The following KLHL29 variants were observed in gnomAD, a reference collection of about 807,000 sequenced individuals.
The protein encoded by KLHL29 is kelch-like protein 29.
A neutral mutation model predicts 80.4 loss-of-function variants in KLHL29; 21 were observed. The ratio of observed to expected loss-of-function variants is 0.26; its 90% CI spans 0.19 to 0.38. The LOEUF (loss-of-function observed/expected upper bound fraction) is 0.38. Among genes scored for constraint, KLHL29 ranks in the 10% least tolerant of loss-of-function variants. KLHL29 has a pLI of 1.00. For synonymous variants in KLHL29, 511 were observed against 526.8 expected (o/e 0.97, Z 0.41); for missense variants, 867 against 1,223.9 (o/e 0.71, Z 4.35).
At chr2:23,394,767 A>G (rs182382883) in intron 1 of KLHL29, among the ~76,000 whole-genome samples, 2 of 152,366 alleles carry the variant, frequency 1.3e-5, no homozygotes, top group African/African-American at 4.8e-5. Context: ...TATGATTTCA[A>G]GTACCTTCAG....
At chr2:23,509,608 C>T (rs1205360127) in intron 2 of KLHL29, among the ~76,000 whole-genome samples, 1 of 152,124 alleles carries the variant, frequency 6.6e-6, no homozygotes, top group Admixed American at 6.5e-5. Flanking sequence ...ATATCTGTGG[C>T]ATCCTTCCTT....
rs1670642784 is a variant in KLHL29 at position 23,669,334 on chromosome 2, G to A, written c.941-15065G>A. The stretch of plus-strand genomic sequence containing the variant: ...GTGATGGGACCACAGAGTGGCAGCT[G>A]ATCTTACCGAATGGGTAGATGTTTT... On this transcript the variant is annotated intron_variant, in intron 5 of 13. Coordinates refer to ENST00000486442, the MANE Select transcript of KLHL29 (RefSeq NM_052920.2). This position sits in a 1 kb window ranked among gnomAD's most constrained non-coding sequence, Gnocchi z 4.3. 6.6e-6 allele frequency: 1 copy of A among 152,204 alleles called. No homozygotes were observed. Among genetic ancestry groups the A allele is most frequent in the Non-Finnish European group, 1.5e-5 (1 of 68,024 alleles). 9.4% of individuals were successfully genotyped at this position (152,204 alleles called of 1,614,324 possible).
intron 2 of KLHL29, among the ~76,000 whole-genome samples, chr2:23,525,857 G>T (rs1252990806): frequency 1.3e-5 from 2 of 152,112 alleles, no homozygotes; most frequent in East Asian, 3.9e-4. Context: ...ATCCTGTGTT[G>T]CTGCCCCAGG....
At chr2:23,631,183 G>T (rs963440996) in intron 3 of KLHL29, among the ~76,000 whole-genome samples, 1 of 152,036 alleles carries the variant, frequency 6.6e-6, no homozygotes, top group African/African-American at 2.4e-5. Flanking sequence ...TCTCTCGCTC[G>T]CTATTCAGCC....
At chr2:23,428,923 C>T (rs1324550528) in intron 1 of KLHL29, among the ~76,000 whole-genome samples, 1 of 152,194 alleles carries the variant, frequency 6.6e-6, no homozygotes, top group Admixed American at 6.5e-5. Context: ...AGTTCTACAC[C>T]ACATCTCTCA....
chr2:23,642,566 T>G lies in KLHL29; in HGVS notation c.656T>G (p.Val219Gly). 6.5e-7 allele frequency: 1 copy of G among 1,548,912 alleles called. No individual in the cohort carries two copies. The highest frequency in any genetic ancestry group is 8.7e-7 in the Non-Finnish European group (1 of 1,145,690). The change falls in exon 5 of 14, where the codon GTC becomes GGC. Residue 219 changes from valine to glycine, a missense_variant. Around this residue, in one of 2 missense-constraint regions of KLHL29, gnomAD observed 424 missense variants for 456.9 expected, o/e 0.93. Transcript: ENST00000486442. ...TCTCAGCCACTGAGCAGCGTGGTGGTCAACATGCCTGCCCAGGCCCTGTAT... is the reference window on the plus strand; with the variant it reads ...TCTCAGCCACTGAGCAGCGTGGTGGGCAACATGCCTGCCCAGGCCCTGTAT... Reference protein sequence around the residue: ...PPSQPLSSVVVNMPAQALYAS... With the variant: ...PPSQPLSSVVGNMPAQALYAS...
chr2:23,621,007 G>T (rs1669167537), intron 3 of KLHL29, among the ~76,000 whole-genome samples: 2 of 152,246 alleles, frequency 1.3e-5, no homozygotes, highest in African/African-American at 4.8e-5. Context: ...CAGGCGGAAG[G>T]TCTTTCTCAT....
chr2:23,472,558 C>T (rs574605698), intron 1 of KLHL29, among the ~76,000 whole-genome samples: 27 of 152,246 alleles, frequency 1.8e-4, no homozygotes, highest in African/African-American at 3.9e-4. Context: ...TGCTTGAACC[C>T]GGGAGGCGGA....
chr2:23,690,107 A>G (rs540995463), intron 6 of KLHL29: 1 of 151,642 alleles, frequency 6.6e-6, no homozygotes, highest in South Asian at 2.1e-4. Context: ...GCAGGATTGC[A>G]CCTCCCCCTC....
chr2:23,665,718 C>T (rs1670535876), intron 5 of KLHL29, among the ~76,000 whole-genome samples: 1 of 152,098 alleles, frequency 6.6e-6, no homozygotes, highest in Non-Finnish European at 1.5e-5. Context: ...TGAGGGCAGA[C>T]AGAAGAGAGA....
At chr2:23,392,526 G>A (rs545363635) in intron 1 of KLHL29, among the ~76,000 whole-genome samples, 5 of 152,142 alleles carry the variant, frequency 3.3e-5, no homozygotes, top group African/African-American at 4.8e-5. Context: ...ATAGCTTCCA[G>A]TTATGGCTGC....
intron 2 of KLHL29, among the ~76,000 whole-genome samples, chr2:23,537,417 TACACACACACACACAC>T (rs5741924): frequency 0.02 from 3,029 of 149,132 alleles, 50 homozygotes; most frequent in Non-Finnish European, 0.035. Flanking sequence ...GGGCAGAAAC[TACACACACACACACAC>T]ACACACACAC....
At chr2:23,614,304 C>T (rs1262228691) in intron 3 of KLHL29, among the ~76,000 whole-genome samples, 1 of 152,188 alleles carries the variant, frequency 6.6e-6, no homozygotes, top group African/African-American at 2.4e-5. Flanking sequence ...CTCCTGAGGC[C>T]GTGTCACTGG....
intron 11 of KLHL29, chr2:23,697,248 G>C (rs1037397071): frequency 1.3e-5 from 2 of 152,258 alleles, no homozygotes; most frequent in Admixed American, 6.5e-5. Flanking sequence ...TTCCGGATGA[G>C]AATACAAAAT....
intron 2 of KLHL29, among the ~76,000 whole-genome samples, chr2:23,515,280 A>T (rs1665887632): frequency 6.6e-6 from 1 of 152,014 alleles, no homozygotes; most frequent in South Asian, 2.1e-4. Flanking sequence ...GTCATGTCTT[A>T]GCCTCTGACC....
chr2:23,636,234 A>T (rs1669605491), intron 3 of KLHL29, among the ~76,000 whole-genome samples: 1 of 152,180 alleles, frequency 6.6e-6, no homozygotes, highest in African/African-American at 2.4e-5. Flanking sequence ...TCCTCGGCAA[A>T]GGGCACACCC....
At chr2:23,642,944 C>A (rs1319033123) in intron 5 of KLHL29, 94 bp downstream of exon 5, 40 of 1,416,990 alleles carry the variant, frequency 2.8e-5, no homozygotes, top group African/African-American at 5.7e-5. Flanking sequence ...GTGCTTCATG[C>A]CAGCTCCTTC....
chr2:23,699,466 C>T (rs1321818392), intron 11 of KLHL29, among the ~76,000 whole-genome samples: 1 of 152,226 alleles, frequency 6.6e-6, no homozygotes, highest in Non-Finnish European at 1.5e-5. Context: ...GACAGAAACA[C>T]TGAGGACCGA....
chr2:23,481,745 G>A (rs998374164), intron 2 of KLHL29, among the ~76,000 whole-genome samples: 12 of 152,316 alleles, frequency 7.9e-5, no homozygotes, highest in Non-Finnish European at 1.5e-4. Context: ...GCGAAACGCT[G>A]TCTCTACTAG....
Sources: gnomAD v4.1 joint callset for allele counts (sites outside exome capture counted in the v4.1 genomes callset) on GRCh38, gnomAD v4.1.1 for gene constraint, gnomAD v4.1.1 regional missense constraint, Gnocchi (gnomAD v3.1) non-coding constraint, MANE v1.5 for transcripts, NCBI Gene and HGNC (gene_info 2026-07-23, HGNC 2026-07-21) for gene names.